Variants in FAM184A observed in about 807,000 individuals in gnomAD.
The protein encoded by FAM184A is protein FAM184A.
A neutral mutation model predicts 143.8 loss-of-function variants in FAM184A; 99 were observed. The observed-to-expected ratio is 0.69, with a 90% CI of 0.58 to 0.81. The LOEUF is 0.81. Ranked by LOEUF, FAM184A falls within the 40% of genes least tolerant of loss-of-function variation. The pLI is 0.00. For synonymous variants in FAM184A, 427 were observed against 446.4 expected (o/e 0.96, Z 0.55); for missense variants, 1,217 against 1,310.5 (o/e 0.93, Z 1.10).
At chr6:118,969,993 A>ATAAAATATGTATATATATATAT (rs1189865476) in intron 14 of FAM184A, among the ~76,000 whole-genome samples, 3 of 24,374 alleles carry the variant, frequency 1.2e-4, no homozygotes, top group Non-Finnish European at 1.6e-4. Flanking sequence ...ATATATATAT[A>ATAAAATATGTATATATATATAT]ATATATATAT....
chr6:118,965,192 GT>G (rs769935713), intron 15 of FAM184A, among the ~76,000 whole-genome samples: 5 of 111,794 alleles, frequency 4.5e-5, no homozygotes, highest in South Asian at 3.0e-4. Flanking sequence ...ACCCAGCTAA[GT>G]TTTTTTTGTT....
intron 15 of FAM184A, among the ~76,000 whole-genome samples, chr6:118,966,027 G>T (rs1208739546): frequency 6.6e-6 from 1 of 152,122 alleles, no homozygotes; most frequent in East Asian, 1.9e-4. Flanking sequence ...CCTGCTCCTG[G>T]ATTCTACCTG....
At position 118,982,324 on chromosome 6, in the gene FAM184A, T is replaced by C. The variant is rs185892777; in HGVS notation, c.2089-1974A>G. On this transcript the variant is annotated intron_variant, in intron 9 of 17. Transcript: ENST00000338891. The stretch of plus-strand genomic sequence containing the variant: ...TAGAGAAAGCACCTACCCCCTCTCT[T>C]TGGAAGTTCAACCCTAGTCCCAGCC... Among the ~76,000 whole-genome samples the C allele has an allele frequency of 1.2e-4, 18 of 152,294 alleles. No individual in the cohort carries two copies. In the East Asian group the frequency reaches 3.3e-3, roughly 28 times the overall value.
upstream of FAM184A, among the ~76,000 whole-genome samples, chr6:119,080,076 C>T (rs899612861): frequency 6.6e-5 from 10 of 152,214 alleles, no homozygotes; most frequent in African/African-American, 2.4e-4. Flanking sequence ...GATTCACAGT[C>T]ATTTTAGAAC....
intron 9 of FAM184A, 134 bp downstream of exon 9, chr6:119,002,765 T>A: frequency 3.9e-6 from 3 of 764,414 alleles, no homozygotes; most frequent in Non-Finnish European, 2.0e-6. Context: ...CCTGGTTTTA[T>A]GTATTTTTAG....
Position 118,974,520 on chromosome 6 carries a change from T to C in FAM184A, c.2823A>G (p.Thr941=). ...TATTTTTCTCTCTGAGGTGGTCTGCTGTCATGACATCCAACTCTTTTTCAA... is the reference window on the plus strand; with the variant it reads ...TATTTTTCTCTCTGAGGTGGTCTGCCGTCATGACATCCAACTCTTTTTCAA... The part of the protein sequence containing the change: ...KRLEKELDVM[T]ADHLREKNIM... Residue 941 remains threonine (T), a synonymous_variant, in exon 14 of 18, where the codon ACA becomes ACG. Coordinates refer to ENST00000338891, the MANE Select transcript of FAM184A (RefSeq NM_024581.6). 1 of 1,612,008 alleles carries C rather than the reference T, an allele frequency of 6.2e-7. No homozygotes were observed. The highest frequency in any genetic ancestry group is 8.5e-7 in the Non-Finnish European group (1 of 1,178,880).
At chr6:119,096,944 G>A (rs1412094872) in intron 1 of FAM184A, among the ~76,000 whole-genome samples, 2 of 152,152 alleles carry the variant, frequency 1.3e-5, no homozygotes, top group Non-Finnish European at 2.9e-5. Context: ...GCACAGTCCT[G>A]CTTGACATTT....
intron 1 of FAM184A, among the ~76,000 whole-genome samples, chr6:119,112,125 TTTTC>T (rs1022190181): frequency 9.2e-5 from 14 of 151,974 alleles, no homozygotes; most frequent in Non-Finnish European, 2.1e-4. Flanking sequence ...TTCTTTTTTC[TTTTC>T]TTTCTTTCTT....
At chr6:119,011,862 T>C (rs867226938) in intron 5 of FAM184A, among the ~76,000 whole-genome samples, 9 of 152,116 alleles carry the variant, frequency 5.9e-5, no homozygotes, top group Non-Finnish European at 1.0e-4. Context: ...TGAAGGCAAA[T>C]TAAAGAGCAA....
In FAM184A at chr6:119,023,949, C is replaced by A; in HGVS notation, c.1014+10G>T. 1.3e-6 allele frequency: 2 copies of A among 1,546,822 alleles called. No homozygotes were observed. The highest frequency in any genetic ancestry group is 1.7e-6 in the Non-Finnish European group (2 of 1,154,818). ...AAATCCATGTGTTGAATATAATATT[C>A]TTTACTTACCTGAACATTGTTCTCT... is the stretch of plus-strand genomic sequence containing the variant. On this transcript the variant is annotated intron_variant, in intron 2 of 17. Coordinates refer to ENST00000338891, the MANE Select transcript of FAM184A (RefSeq NM_024581.6).
At chr6:119,141,046 G>A (rs1044875395) in intron 1 of FAM184A, among the ~76,000 whole-genome samples, 5 of 152,210 alleles carry the variant, frequency 3.3e-5, no homozygotes, top group African/African-American at 4.8e-5. Context: ...CGGAGTAGGT[G>A]ATAGGGACAA....
intron 1 of FAM184A, among the ~76,000 whole-genome samples, chr6:119,142,081 A>T (rs1454363843): frequency 6.6e-6 from 1 of 152,212 alleles, no homozygotes; most frequent in Non-Finnish European, 1.5e-5. Flanking sequence ...TAGCAGCAAT[A>T]TAGTTAAAGC....
intron 1 of FAM184A, among the ~76,000 whole-genome samples, chr6:119,089,887 A>G (rs1788325335): frequency 6.6e-6 from 1 of 152,112 alleles, no homozygotes; most frequent in Non-Finnish European, 1.5e-5. Flanking sequence ...AATTCAGAAA[A>G]CTCATCTCTA....
intron 1 of FAM184A, among the ~76,000 whole-genome samples, chr6:119,062,092 C>A (rs534905661): frequency 6.6e-6 from 1 of 152,184 alleles, no homozygotes; most frequent in East Asian, 1.9e-4. Context: ...CTAGATTTTA[C>A]ACAGGATTAC....
At chr6:119,020,204 A>C (rs1785396847) in intron 3 of FAM184A, 45 bp from the exon 4 acceptor site, 1 of 1,429,314 alleles carries the variant, frequency 7.0e-7, no homozygotes, top group Non-Finnish European at 9.3e-7. Flanking sequence ...AATCAGTTGT[A>C]CTATGAGATA....
chr6:119,136,391 A>G (rs1404984782), intron 1 of FAM184A, among the ~76,000 whole-genome samples: 1 of 151,712 alleles, frequency 6.6e-6, no homozygotes, highest in Non-Finnish European at 1.5e-5. Context: ...TTGCCCAATT[A>G]TAGATATCTT....
At chr6:119,036,652 TCAA>T (rs1239505505) in intron 1 of FAM184A, among the ~76,000 whole-genome samples, 3 of 152,220 alleles carry the variant, frequency 2.0e-5, no homozygotes, top group East Asian at 1.9e-4. Flanking sequence ...CTACCATACT[TCAA>T]CAACAACAAA....
intron 14 of FAM184A, among the ~76,000 whole-genome samples, chr6:118,967,602 T>G (rs1348493170): frequency 6.6e-6 from 1 of 152,176 alleles, no homozygotes; most frequent in Non-Finnish European, 1.5e-5. Context: ...CCTGAATGCC[T>G]TGAACGTTAA....
intron 9 of FAM184A, among the ~76,000 whole-genome samples, chr6:118,989,801 CATTTATTT>C (rs149164113): frequency 0.15 from 21,226 of 144,760 alleles, 1,571 homozygotes; most frequent in Non-Finnish European, 0.16. Flanking sequence ...AGTATTTTTA[CATTTATTT>C]ATTTATTTAT....
Sources: allele counts gnomAD v4.1 joint callset (sites outside exome capture counted in the v4.1 genomes callset), GRCh38; gene constraint gnomAD v4.1.1; transcripts MANE v1.5; gene names NCBI Gene and HGNC (gene_info 2026-07-23, HGNC 2026-07-21).